TWF2: variants seen among roughly 807,000 people sequenced by gnomAD.
TWF2 encodes twinfilin actin binding protein 2.
Under a neutral mutation model 45.1 loss-of-function variants are expected in TWF2, and 15 were observed. That is an observed-to-expected ratio of 0.33 (90% CI 0.22 to 0.51). The LOEUF (loss-of-function observed/expected upper bound fraction) is 0.51, where lower values mean the gene tolerates loss of function less well. Among genes scored for constraint, TWF2 ranks in the 20% least tolerant of loss-of-function variants. The pLI, the probability that TWF2 is intolerant of heterozygous loss-of-function variation, is 0.97. For missense variants in TWF2, 423 were observed against 469.1 expected (o/e 0.90, Z 0.91); for synonymous variants, 177 against 195.8 (o/e 0.90, Z 0.80).
In TWF2 at chr3:52,229,797, G is replaced by C; in HGVS notation, c.761-15C>G. 2 of 1,607,170 alleles carry C rather than the reference G, an allele frequency of 1.2e-6. No individual in the cohort carries two copies. The highest frequency in any genetic ancestry group is 1.7e-6 in the Non-Finnish European group (2 of 1,175,634). On this transcript the variant is annotated splice_polypyrimidine_tract_variant and intron_variant, in intron 7 of 8. Coordinates refer to ENST00000305533, the MANE Select transcript of TWF2 (RefSeq NM_007284.4). Reference sequence around the variant, plus strand: ...GTAGATGAACACTGTTGGGGGGCAGGAGGTGAGCCTGGGAGGCCTGAGAAA... The same window carrying C: ...GTAGATGAACACTGTTGGGGGGCAGCAGGTGAGCCTGGGAGGCCTGAGAAA...
intron 5 of TWF2, 32 bp from the exon 6 acceptor site, chr3:52,231,027 C>T: frequency 1.9e-6 from 3 of 1,609,628 alleles, no homozygotes; most frequent in Non-Finnish European, 2.5e-6. Flanking sequence ...GGGAGGCCCT[C>T]ACCGGCCCAA....
At chr3:52,231,393 C>T (rs1303318973) in intron 4 of TWF2, 51 bp downstream of exon 4, 2 of 1,596,868 alleles carry the variant, frequency 1.3e-6, no homozygotes, top group East Asian at 2.2e-5. Context: ...CACAGTGACC[C>T]CTCTCTGTGG....
chr3:52,232,738 C>G (rs1040980241), intron 2 of TWF2, among the ~76,000 whole-genome samples: 35 of 152,200 alleles, frequency 2.3e-4, no homozygotes, highest in Non-Finnish European at 8.8e-5. Flanking sequence ...AGATCCTTGC[C>G]GGGCGCGGTG....
In TWF2 at chr3:52,231,137, C is replaced by A; in HGVS notation, c.473G>T (p.Arg158Leu). 2.5e-6 allele frequency: 4 copies of A among 1,614,052 alleles called. No homozygotes were observed. The highest frequency in any genetic ancestry group is 3.4e-6 in the Non-Finnish European group (4 of 1,179,956). The change falls in exon 5 of 9, where the codon CGC becomes CTC. Residue 158 changes from arginine to leucine, a missense_variant. Physicochemically the swap from Arg to Leu is moderately radical, Grantham distance 102 (BLOSUM62 -2). Transcript: ENST00000305533. The stretch of plus-strand genomic sequence containing the variant: ...CTGCTCCCCACCCACCTCGTTAATG[C>A]GGATCTGCTGGAGCTCTCTCTCAGC... The part of the protein sequence containing the change: ...TSAERELQQI[R>L]INEVKTEISV...
Position 52,228,708 on chromosome 3 carries a change from T to G in TWF2, c.*326A>C. Reference sequence around the variant, plus strand: ...CAGCCCTGACTGACCCCACTTCTTGTGGCCAAAGGTTTCTGGGCTGTGCTG... The same window carrying G: ...CAGCCCTGACTGACCCCACTTCTTGGGGCCAAAGGTTTCTGGGCTGTGCTG... On this transcript the variant is annotated 3_prime_UTR_variant, in exon 9 of 9. Coordinates refer to ENST00000305533, the MANE Select transcript of TWF2 (RefSeq NM_007284.4). The G allele has an allele frequency of 3.1e-6, 1 of 326,768 alleles. No individual in the cohort carries two copies. Among genetic ancestry groups the G allele is most frequent in the South Asian group, 5.7e-5 (1 of 17,570 alleles). The allele number at this position is 326,768 out of a possible 1,614,324, so 20.2% of individuals were successfully genotyped here. A position where few individuals can be genotyped will look rare whatever the true frequency, so the allele number is the denominator to read the frequency against.
intron 5 of TWF2, 42 bp downstream of exon 5, chr3:52,231,085 G>T: frequency 6.2e-7 from 1 of 1,613,202 alleles, no homozygotes; most frequent in South Asian, 1.1e-5. Context: ...GGGCCGATAT[G>T]ACCCTGAGGG....
In TWF2 at chr3:52,229,703, G is replaced by A. The variant is rs559788903; in HGVS notation, c.840C>T (p.Leu280=). Residue 280 remains leucine (L), a synonymous_variant, in exon 8 of 9, where the codon CTC becomes CTT. Coordinates refer to ENST00000305533, the MANE Select transcript of TWF2 (RefSeq NM_007284.4). ...MLYSSCKSRL[L]DSVEQDFHLE... Reference sequence around the variant, plus strand: ...GATGGAAGTCCTGCTCCACGGAGTCGAGGAGGCGGCTCTTGCAGCTGGAGT... The same window carrying A: ...GATGGAAGTCCTGCTCCACGGAGTCAAGGAGGCGGCTCTTGCAGCTGGAGT... The A allele has an allele frequency of 6.1e-5, 98 of 1,613,400 alleles. No homozygotes were observed. Among genetic ancestry groups the A allele is most frequent in the South Asian group, 5.5e-4 (50 of 91,084 alleles).
Position 52,238,973 on chromosome 3 carries a change from G to T in TWF2, c.25+19C>A. 6.3e-7 allele frequency: 1 copy of T among 1,587,282 alleles called. No individual in the cohort carries two copies. Among genetic ancestry groups the T allele is most frequent in the Non-Finnish European group, 8.5e-7 (1 of 1,173,576 alleles). On this transcript the variant is annotated intron_variant, in intron 1 of 8. Coordinates refer to ENST00000305533, the MANE Select transcript of TWF2 (RefSeq NM_007284.4). ...GAGCCCAGACCGAGGCCCCCTGCCCGCCCGCCATCCGCCCTCACCGTGGAT... is the reference window on the plus strand; with the variant it reads ...GAGCCCAGACCGAGGCCCCCTGCCCTCCCGCCATCCGCCCTCACCGTGGAT...
At chr3:52,238,927 G>GT in intron 1 of TWF2, 65 bp downstream of exon 1, 8 of 1,204,546 alleles carry the variant, frequency 6.6e-6, no homozygotes, top group Non-Finnish European at 8.7e-6. Context: ...GGGGCCGAGA[G>GT]CCGGGGGGGG....
chr3:52,229,039 T>C lies in TWF2; in HGVS notation c.1045A>G (p.Ser349Gly). 2 of 1,611,586 alleles carry C rather than the reference T, an allele frequency of 1.2e-6. No homozygotes were observed. Among genetic ancestry groups the C allele is most frequent in the Non-Finnish European group, 1.7e-6 (2 of 1,179,790 alleles). Residue 349 changes from serine to glycine, a missense_variant, in exon 9 of 9, where the codon AGC (serine) becomes GGC (glycine). Physicochemically the swap from Ser to Gly is moderately conservative, Grantham distance 56. Coordinates refer to ENST00000305533, the MANE Select transcript of TWF2 (RefSeq NM_007284.4). ...GCCGGCCCTGCTCCAGCCTCCTAGC[T>C]GTCATCCCCATTTTCACCCGGGCCG... The part of the protein sequence containing the change: ...IRGPGENGDD[S>G]
In TWF2 at chr3:52,239,065, C is replaced by G; in HGVS notation, c.-49G>C. The G allele has an allele frequency of 6.3e-7, 1 of 1,584,062 alleles. No individual in the cohort carries two copies. The highest frequency in any genetic ancestry group is 2.3e-5 in the East Asian group (1 of 43,880). ...CGCCGTCGGAGCCCTCCGCTTGACC[C>G]TGGCCCGGCAACGCTCGCTGGACCA... On this transcript the variant is annotated 5_prime_UTR_variant, in exon 1 of 9. Transcript: ENST00000305533.
intron 3 of TWF2, 34 bp from the exon 4 acceptor site, chr3:52,231,573 T>G: frequency 6.3e-7 from 1 of 1,589,428 alleles, no homozygotes. Flanking sequence ...AAGAGGCCTC[T>G]GGGCAGGGCT....
chr3:52,234,937 G>T, intron 2 of TWF2, 92 bp downstream of exon 2: 1 of 1,448,630 alleles, frequency 6.9e-7, no homozygotes, highest in Non-Finnish European at 9.5e-7. Flanking sequence ...TGAGGTCCCG[G>T]CAGGCCAGGG....
intron 6 of TWF2, 117 bp downstream of exon 6, chr3:52,230,753 G>A: frequency 1.4e-6 from 2 of 1,435,784 alleles, no homozygotes; most frequent in African/African-American, 1.4e-5. Context: ...ACATGGACGA[G>A]CTGAAGGGGA....
At chr3:52,234,785 C>T (rs1043792737) in intron 2 of TWF2, among the ~76,000 whole-genome samples, 2 of 152,238 alleles carry the variant, frequency 1.3e-5, no homozygotes, top group Admixed American at 6.5e-5. Flanking sequence ...GGCAGGACCC[C>T]AGGACAGGGC....
intron 2 of TWF2, among the ~76,000 whole-genome samples, chr3:52,234,812 A>C (rs1699710035): frequency 6.6e-6 from 1 of 152,204 alleles, no homozygotes; most frequent in Non-Finnish European, 1.5e-5. Context: ...TGCTGACCCC[A>C]GCTTCGGCTT....
intron 1 of TWF2, among the ~76,000 whole-genome samples, chr3:52,237,747 C>G (rs529657589): frequency 1.3e-3 from 198 of 152,336 alleles, no homozygotes; most frequent in African/African-American, 4.3e-3. Context: ...CATCTGGGAG[C>G]CCTGGCCCTG....
At chr3:52,230,761 G>A in intron 6 of TWF2, 109 bp downstream of exon 6, 1 of 1,464,364 alleles carries the variant, frequency 6.8e-7, no homozygotes, top group Admixed American at 2.2e-5. Flanking sequence ...GAGCTGAAGG[G>A]GACAGACTGC....
intron 8 of TWF2, among the ~76,000 whole-genome samples, 189 bp downstream of exon 8, chr3:52,229,472 G>C (rs1007756621): frequency 1.3e-5 from 2 of 152,220 alleles, no homozygotes; most frequent in African/African-American, 4.8e-5. Flanking sequence ...GCCAGGACTT[G>C]GACTTTTCTG....
Sources: allele counts gnomAD v4.1 joint callset (sites outside exome capture counted in the v4.1 genomes callset), GRCh38; gene constraint gnomAD v4.1.1; transcripts MANE v1.5; gene names NCBI Gene and HGNC (gene_info 2026-07-23, HGNC 2026-07-21).